The following NEMP2 variants were observed in gnomAD, a reference collection of about 807,000 sequenced individuals.
NEMP2 encodes UPF0571 transmembrane protein.
Under a neutral mutation model 54.2 loss-of-function variants are expected in NEMP2, and 53 were observed. The observed-to-expected ratio is 0.98, with a 90% CI of 0.78 to 1.23. The LOEUF (loss-of-function observed/expected upper bound fraction) is 1.23, where lower values mean the gene tolerates loss of function less well. NEMP2 is among the 50% of genes most tolerant of loss of function. The pLI is 0.00. For synonymous variants in NEMP2, 197 were observed against 190.3 expected, an observed-to-expected ratio of 1.04 and a Z score of -0.29; for missense variants, 455 against 511.3, an observed-to-expected ratio of 0.89 and a Z score of 1.06.
chr2:190,622,961 A>C, the NEMP2 span, among the ~76,000 whole-genome samples: 1 of 152,268 alleles, frequency 6.6e-6, no homozygotes, highest in Middle Eastern at 3.4e-3. Context: ...AAAAAACTAG[A>C]ACAGACAAAC....
At chr2:190,623,153 T>C in the NEMP2 span, among the ~76,000 whole-genome samples, 1 of 152,006 alleles carries the variant, frequency 6.6e-6, no homozygotes, top group Admixed American at 6.6e-5. Context: ...ATAAAGTACT[T>C]ATGAAAAAAT....
At chr2:190,444,310 G>T in the NEMP2 span, among the ~76,000 whole-genome samples, 830 of 152,290 alleles carry the variant, frequency 5.5e-3, 16 homozygotes, top group South Asian at 8.1e-3. Context: ...GAGTATTCTT[G>T]GTCATGGCCC....
Position 190,519,297 on chromosome 2 carries a change from C to G in NEMP2, c.214-114G>C, listed in dbSNP as rs1690674673. 1 of 725,844 alleles carries G rather than the reference C, an allele frequency of 1.4e-6. No individual in the cohort carries two copies. Among genetic ancestry groups the G allele is most frequent in the Non-Finnish European group, 2.2e-6 (1 of 447,120 alleles). 45.0% of individuals were successfully genotyped at this position (725,844 alleles called of 1,614,324 possible). A position where few individuals can be genotyped will look rare whatever the true frequency, so the allele number is the denominator to read the frequency against. The stretch of plus-strand genomic sequence containing the variant: ...AGTGCAGTGGCAGGATCTCTGCTCA[C>G]TGCAACCTGTGCCTCCAGGGCTCAG... On this transcript the variant is annotated intron_variant, in intron 2 of 8. Coordinates refer to ENST00000409150, the MANE Select transcript of NEMP2 (RefSeq NM_001142645.2). The surrounding 1 kb of genome is among the most constrained non-coding windows in gnomAD (Gnocchi z 5.4).
At chr2:190,611,767 T>A in the NEMP2 span, among the ~76,000 whole-genome samples, 1 of 152,246 alleles carries the variant, frequency 6.6e-6, no homozygotes, top group Non-Finnish European at 1.5e-5. This position sits in a 1 kb window ranked among gnomAD's most constrained non-coding sequence, Gnocchi z 5.4. Context: ...ACACCTTGCA[T>A]GTAAACTGTT....
chr2:190,423,758 G>A, the NEMP2 span, among the ~76,000 whole-genome samples: 1 of 152,168 alleles, frequency 6.6e-6, no homozygotes. This position sits in a 1 kb window ranked among gnomAD's most constrained non-coding sequence, Gnocchi z 4.3. Flanking sequence ...CCCACCCACA[G>A]TATATGAGTA....
chr2:190,524,644 A>G (rs1350370296), intron 2 of NEMP2, among the ~76,000 whole-genome samples: 2 of 152,120 alleles, frequency 1.3e-5, no homozygotes, highest in Admixed American at 1.3e-4. Flanking sequence ...TCCCACTGAT[A>G]TTACTCTACA....
chr2:190,473,636 C>A, the NEMP2 span, among the ~76,000 whole-genome samples: 2 of 152,266 alleles, frequency 1.3e-5, no homozygotes, highest in South Asian at 2.1e-4. Flanking sequence ...GACTTTAACA[C>A]CCCACTGTCA....
rs755385323 is a variant in NEMP2 at position 190,519,417 on chromosome 2, C to T, written c.214-234G>A. Reference sequence around the variant, plus strand: ...TGTATTTTTTGTAGAGATGAGGTTTCGCCATGTTTCCCAGGCTGGTCTCGA... The same window carrying T: ...TGTATTTTTTGTAGAGATGAGGTTTTGCCATGTTTCCCAGGCTGGTCTCGA... On this transcript the variant is annotated intron_variant, in intron 2 of 8. Coordinates refer to ENST00000409150, the MANE Select transcript of NEMP2 (RefSeq NM_001142645.2). The surrounding 1 kb of genome is among the most constrained non-coding windows in gnomAD (Gnocchi z 5.4). Among the ~76,000 whole-genome samples the T allele has an allele frequency of 5.3e-5, 8 of 152,060 alleles. No individual in the cohort carries two copies. Among genetic ancestry groups the T allele is most frequent in the Non-Finnish European group, 7.3e-5 (5 of 68,028 alleles).
At chr2:190,463,856 T>C in the NEMP2 span, 6 of 979,448 alleles carry the variant, frequency 6.1e-6, 1 homozygote, top group African/African-American at 1.1e-4. The surrounding 1 kb of genome is among the most constrained non-coding windows in gnomAD (Gnocchi z 4.4). Context: ...AATAAAAAGC[T>C]GAGAATGATG....
chr2:190,605,406 G>A, the NEMP2 span, among the ~76,000 whole-genome samples: 8 of 150,864 alleles, frequency 5.3e-5, no homozygotes, highest in Admixed American at 4.6e-4. Context: ...AGTCTCGCTC[G>A]CTCTGTCACC....
chr2:190,460,733 G>A, the NEMP2 span, among the ~76,000 whole-genome samples: 2 of 152,240 alleles, frequency 1.3e-5, no homozygotes, highest in Admixed American at 1.3e-4. Flanking sequence ...GGAGCTGGGT[G>A]AGAGCTGAAG....
At chr2:190,549,103 T>C in the NEMP2 span, among the ~76,000 whole-genome samples, 3 of 152,250 alleles carry the variant, frequency 2.0e-5, no homozygotes, top group Non-Finnish European at 4.4e-5. Flanking sequence ...ATATGTAGTT[T>C]CCCACAGCTG....
the NEMP2 span, among the ~76,000 whole-genome samples, chr2:190,490,557 C>T: frequency 1.3e-5 from 2 of 148,278 alleles, no homozygotes. The surrounding 1 kb of genome is among the most constrained non-coding windows in gnomAD (Gnocchi z 4.5). Flanking sequence ...AGCAAGACTC[C>T]CTCTCAAAAA....
chr2:190,589,271 T>C, the NEMP2 span, among the ~76,000 whole-genome samples: 3 of 152,104 alleles, frequency 2.0e-5, no homozygotes, highest in African/African-American at 4.8e-5. The surrounding 1 kb of genome is among the most constrained non-coding windows in gnomAD (Gnocchi z 4.3). Context: ...ATGCCCCTTT[T>C]GAAAAAGTGG....
At chr2:190,581,313 G>A in the NEMP2 span, among the ~76,000 whole-genome samples, 14 of 151,904 alleles carry the variant, frequency 9.2e-5, no homozygotes, top group Non-Finnish European at 1.9e-4. Context: ...CCCATTATTT[G>A]GAATGGAAAA....
chr2:190,459,822 C>T, the NEMP2 span, among the ~76,000 whole-genome samples: 1 of 152,216 alleles, frequency 6.6e-6, no homozygotes, highest in Non-Finnish European at 1.5e-5. This position sits in a 1 kb window ranked among gnomAD's most constrained non-coding sequence, Gnocchi z 5.3. Flanking sequence ...ATTACTTTTA[C>T]CTTTTCTCTT....
At chr2:190,537,847 CCTT>C (rs1307723971), upstream of NEMP2, among the ~76,000 whole-genome samples, 1 of 152,146 alleles carries the variant, frequency 6.6e-6, no homozygotes, top group Non-Finnish European at 1.5e-5. Context: ...ATGTCGGAGA[CCTT>C]CTCAGCAGCC....
the NEMP2 span, among the ~76,000 whole-genome samples, chr2:190,491,626 G>A: frequency 6.6e-6 from 1 of 152,218 alleles, no homozygotes; most frequent in Non-Finnish European, 1.5e-5. The surrounding 1 kb of genome is among the most constrained non-coding windows in gnomAD (Gnocchi z 4.2). Context: ...ACTACATCAA[G>A]GGAACACCCT....
At chr2:190,614,830 T>C in the NEMP2 span, among the ~76,000 whole-genome samples, 1 of 152,116 alleles carries the variant, frequency 6.6e-6, no homozygotes, top group Non-Finnish European at 1.5e-5. This position sits in a 1 kb window ranked among gnomAD's most constrained non-coding sequence, Gnocchi z 5.7. Flanking sequence ...CAAGGCCAGA[T>C]AGGAAAACAA....
Sources: gnomAD v4.1 joint callset for allele counts (sites outside exome capture counted in the v4.1 genomes callset) on GRCh38, gnomAD v4.1.1 for gene constraint, Gnocchi (gnomAD v3.1) non-coding constraint, MANE v1.5 for transcripts, NCBI Gene and HGNC (gene_info 2026-07-23, HGNC 2026-07-21) for gene names.